The following IPCEF1 variants were observed in gnomAD, a reference collection of about 807,000 sequenced individuals.
The protein encoded by IPCEF1 is interaction protein for cytohesin exchange factors 1.
In IPCEF1, 31 loss-of-function variants were observed where a neutral mutation model predicts 50.9. The ratio of observed to expected loss-of-function variants is 0.61; its 90% confidence interval spans 0.46 to 0.82. The LOEUF is 0.82. IPCEF1 is among the 40% of genes least tolerant of loss of function. The probability of loss-of-function intolerance (pLI) is 0.00; values close to 1 mark genes in which losing one functional copy is unlikely to be tolerated. For missense variants in IPCEF1, 458 were observed against 514.0 expected, an observed-to-expected ratio of 0.89 and a Z score of 1.05; for synonymous variants, 181 against 192.0, an observed-to-expected ratio of 0.94 and a Z score of 0.47.
chr6:154,209,638 T>A (rs2128602946), intron 9 of IPCEF1, among the ~76,000 whole-genome samples: 1 of 124,688 alleles, frequency 8.0e-6, no homozygotes, highest in Non-Finnish European at 1.7e-5. Context: ...ACTGAGACTG[T>A]GTCTCAAAAA....
intron 1 of IPCEF1, among the ~76,000 whole-genome samples, chr6:154,354,546 T>TACCACCTCCACCATCGCCTCCACA (rs1248712370): frequency 9.2e-4 from 109 of 118,814 alleles, no homozygotes; most frequent in Non-Finnish European, 1.5e-3. Flanking sequence ...CCATCTCCAT[T>TACCACCTCCACCATCGCCTCCACA]ACCACCTCCA....
intron 3 of IPCEF1, among the ~76,000 whole-genome samples, chr6:154,255,758 G>A (rs1176536441): frequency 1.3e-5 from 2 of 151,918 alleles, no homozygotes; most frequent in Non-Finnish European, 2.9e-5. Context: ...TTTCAAATCT[G>A]CTTCCAAGTT....
At chr6:154,334,417 G>T (rs1446437154) in intron 1 of IPCEF1, among the ~76,000 whole-genome samples, 1 of 152,166 alleles carries the variant, frequency 6.6e-6, no homozygotes, top group African/African-American at 2.4e-5. Context: ...TCTAGCTAAA[G>T]TATGTTTGGT....
At chr6:154,251,045 C>A (rs908845872) in intron 3 of IPCEF1, among the ~76,000 whole-genome samples, 1 of 152,080 alleles carries the variant, frequency 6.6e-6, no homozygotes, top group African/African-American at 2.4e-5. Flanking sequence ...TTTTATCCTT[C>A]CCAGAAAAAT....
At chr6:154,191,172 T>C (rs564684219) in intron 10 of IPCEF1, among the ~76,000 whole-genome samples, 103 of 152,194 alleles carry the variant, frequency 6.8e-4, no homozygotes, top group African/African-American at 2.4e-3. Context: ...TGCAACTATG[T>C]GACATTCTGG....
chr6:154,237,767 G>GAATGATGA (rs1422185584), intron 5 of IPCEF1, among the ~76,000 whole-genome samples: 5 of 152,008 alleles, frequency 3.3e-5, no homozygotes, highest in African/African-American at 1.2e-4. Flanking sequence ...CTTGCTTCAA[G>GAATGATGA]AATGATGAAA....
chr6:154,168,497 A>G lies in IPCEF1; in HGVS notation c.911-384T>C, dbSNP rs2128554243. 6.6e-6 allele frequency among the ~76,000 whole-genome samples: 1 copy of G among 152,266 alleles called. No homozygotes were observed. Among genetic ancestry groups the G allele is most frequent in the African/African-American group, 2.4e-5 (1 of 41,548 alleles). ...GATTAGAAACCTGCCCTATTAACTC[A>G]TCTTAACTAGTTAAATCTGCAACAA... On this transcript the variant is annotated intron_variant, in intron 10 of 11. Transcript: ENST00000367220. The surrounding 1 kb of genome is among the most constrained non-coding windows in gnomAD (Gnocchi z 4.1).
chr6:154,315,502 T>C (rs994412780), intron 1 of IPCEF1, among the ~76,000 whole-genome samples: 3 of 152,324 alleles, frequency 2.0e-5, no homozygotes, highest in African/African-American at 4.8e-5. Flanking sequence ...ATCCTTATTT[T>C]GAACATAGTT....
In IPCEF1 at chr6:154,344,890, T is replaced by C. The variant is rs1269109867; in HGVS notation, c.-62+11782A>G. Among the ~76,000 whole-genome samples, 4 of 152,200 alleles carry C rather than the reference T, an allele frequency of 2.6e-5. No individual in the cohort carries two copies. The East Asian group carries it at 7.7e-4, about 29-fold the overall frequency. On this transcript the variant is annotated intron_variant, in intron 1 of 11. Coordinates refer to ENST00000367220, the MANE Select transcript of IPCEF1 (RefSeq NM_001130700.2). ...CATGTCACTTTGGGTCTTTTGTTGTTGTTGTTCTTTTTGGAGATAGGGTTT... is the reference window on the plus strand; with the variant it reads ...CATGTCACTTTGGGTCTTTTGTTGTCGTTGTTCTTTTTGGAGATAGGGTTT...
chr6:154,239,534 T>C (rs985079649), intron 5 of IPCEF1, among the ~76,000 whole-genome samples: 2 of 152,200 alleles, frequency 1.3e-5, no homozygotes, highest in African/African-American at 2.4e-5. Flanking sequence ...CCATGAGTCA[T>C]TGTCTTGCGG....
At chr6:154,312,548 A>T (rs1783105872) in intron 1 of IPCEF1, among the ~76,000 whole-genome samples, 1 of 151,914 alleles carries the variant, frequency 6.6e-6, no homozygotes, top group Admixed American at 6.6e-5. Flanking sequence ...GGGTTTCACC[A>T]TGTTGGCCAG....
chr6:154,164,057 C>T (rs1489448456), intron 11 of IPCEF1, among the ~76,000 whole-genome samples: 4 of 152,146 alleles, frequency 2.6e-5, no homozygotes, highest in Middle Eastern at 3.2e-3. Flanking sequence ...AAGCTTTCTT[C>T]CTCTGATATC....
chr6:154,183,826 G>C (rs1801104842), intron 10 of IPCEF1, among the ~76,000 whole-genome samples: 1 of 151,970 alleles, frequency 6.6e-6, no homozygotes, highest in African/African-American at 2.4e-5. Context: ...GGAGGCAGAG[G>C]TTACAGTGAA....
At chr6:154,199,008 G>C (rs939032837) in intron 10 of IPCEF1, among the ~76,000 whole-genome samples, 1 of 152,092 alleles carries the variant, frequency 6.6e-6, no homozygotes, top group African/African-American at 2.4e-5. Context: ...AGTTAGTCCT[G>C]GATAAAAGAC....
At chr6:154,185,518 A>G (rs1801262712) in intron 10 of IPCEF1, among the ~76,000 whole-genome samples, 1 of 152,242 alleles carries the variant, frequency 6.6e-6, no homozygotes, top group Non-Finnish European at 1.5e-5. Context: ...TATGGCTGAT[A>G]TAATACATGC....
At chr6:154,346,860 G>A (rs758154958) in intron 1 of IPCEF1, among the ~76,000 whole-genome samples, 18 of 152,300 alleles carry the variant, frequency 1.2e-4, no homozygotes, top group Non-Finnish European at 2.2e-4. Context: ...TTGGATTACA[G>A]TTCAACGTAA....
chr6:154,200,234 TTA>T (rs1776952224), intron 9 of IPCEF1, among the ~76,000 whole-genome samples, 194 bp from the exon 10 acceptor site: 1 of 152,200 alleles, frequency 6.6e-6, no homozygotes, highest in African/African-American at 2.4e-5. Flanking sequence ...CAAAACTGAT[TTA>T]TGTAACTTTA....
At chr6:154,277,791 C>T (rs1010931783) in intron 2 of IPCEF1, among the ~76,000 whole-genome samples, 1 of 152,136 alleles carries the variant, frequency 6.6e-6, no homozygotes, top group Non-Finnish European at 1.5e-5. Flanking sequence ...CCTTTATAGA[C>T]TTTGCCTGTG....
chr6:154,223,483 G>A lies in IPCEF1; in HGVS notation c.247-240C>T, dbSNP rs570249477. 2.6e-5 allele frequency among the ~76,000 whole-genome samples: 4 copies of A among 152,276 alleles called. No homozygotes were observed. In the South Asian group the frequency reaches 6.2e-4, roughly 24 times the overall value. Reference sequence around the variant, plus strand: ...AAGTGGCATGACATGACACAGCTTAGGGATGGTCACCATATGGCAGGCTTA... The same window carrying A: ...AAGTGGCATGACATGACACAGCTTAAGGATGGTCACCATATGGCAGGCTTA... On this transcript the variant is annotated intron_variant, in intron 5 of 11. Coordinates refer to ENST00000367220, the MANE Select transcript of IPCEF1 (RefSeq NM_001130700.2).
Sources: gnomAD v4.1 joint callset for allele counts (sites outside exome capture counted in the v4.1 genomes callset) on GRCh38, gnomAD v4.1.1 for gene constraint, Gnocchi (gnomAD v3.1) non-coding constraint, MANE v1.5 for transcripts, NCBI Gene and HGNC (gene_info 2026-07-23, HGNC 2026-07-21) for gene names.